The following RORA variants were observed in gnomAD, a reference collection of about 807,000 sequenced individuals.
RORA encodes nuclear receptor ROR-alpha.
Under a neutral mutation model 69.5 loss-of-function variants are expected in RORA, and 7 were observed. The ratio of observed to expected loss-of-function variants is 0.10; its 90% CI spans 0.06 to 0.19. RORA has a LOEUF of 0.19. RORA is among the 10% of genes least tolerant of loss of function. The probability of loss-of-function intolerance (pLI) is 1.00; values close to 1 mark genes in which losing one functional copy is unlikely to be tolerated. For missense variants in RORA, 457 were observed against 663.0 expected (o/e 0.69, Z 3.41); for synonymous variants, 261 against 240.8 (o/e 1.08, Z -0.78).
chr15:61,126,947 GGAGAACAAA>G (rs1256155814), intron 1 of RORA, among the ~76,000 whole-genome samples: 2 of 152,164 alleles, frequency 1.3e-5, no homozygotes, highest in Non-Finnish European at 2.9e-5. Flanking sequence ...TATTTTTGGC[GGAGAACAAA>G]TTGCCCTGGG....
At chr15:60,795,021 A>G (rs1037319170) in intron 1 of RORA, among the ~76,000 whole-genome samples, 5 of 152,138 alleles carry the variant, frequency 3.3e-5, no homozygotes, top group Non-Finnish European at 4.4e-5. Context: ...CTGCTTCTCA[A>G]TTACATAAAA....
intron 1 of RORA, among the ~76,000 whole-genome samples, chr15:60,777,685 C>G (rs1242052521): frequency 6.6e-6 from 1 of 152,158 alleles, no homozygotes; most frequent in East Asian, 1.9e-4. Flanking sequence ...GGCATTTACT[C>G]TAAGAGGTGA....
intron 1 of RORA, among the ~76,000 whole-genome samples, chr15:61,199,713 T>C (rs982876054): frequency 1.4e-4 from 22 of 152,116 alleles, no homozygotes; most frequent in African/African-American, 5.3e-4. Flanking sequence ...CCAATTACAC[T>C]GAGATGTTAT....
intron 1 of RORA, among the ~76,000 whole-genome samples, chr15:61,108,018 G>A (rs775466764): frequency 6.6e-6 from 1 of 152,140 alleles, no homozygotes. Flanking sequence ...TCTAGAGAAA[G>A]AAAATCCTGT....
intron 1 of RORA, among the ~76,000 whole-genome samples, chr15:60,899,143 A>T (rs919253062): frequency 2.6e-5 from 4 of 152,248 alleles, no homozygotes; most frequent in African/African-American, 7.2e-5. Flanking sequence ...CAGGGCAGCC[A>T]ATAGGTAATC....
chr15:60,908,939 A>C (rs543244167), intron 1 of RORA, among the ~76,000 whole-genome samples: 86 of 152,164 alleles, frequency 5.7e-4, no homozygotes, highest in African/African-American at 2.0e-3. Flanking sequence ...TGTTTGAAGA[A>C]AAGGGATATC....
chr15:60,878,380 T>G (rs1182739838), intron 1 of RORA, among the ~76,000 whole-genome samples: 3 of 147,006 alleles, frequency 2.0e-5, no homozygotes, highest in Admixed American at 1.4e-4. Context: ...AATTTTCCAG[T>G]GTTGAAGAGG....
intron 2 of RORA, among the ~76,000 whole-genome samples, chr15:60,588,099 G>A (rs142857457): frequency 4.6e-5 from 7 of 152,154 alleles, no homozygotes; most frequent in Non-Finnish European, 8.8e-5. Context: ...TTCCTCAGAG[G>A]GTCTGTATGT....
At chr15:60,541,563 C>A (rs962980784) in intron 2 of RORA, among the ~76,000 whole-genome samples, 1 of 152,102 alleles carries the variant, frequency 6.6e-6, no homozygotes, top group Non-Finnish European at 1.5e-5. Flanking sequence ...GGGGAAGTGG[C>A]AGGAGCTGGT....
In RORA at chr15:60,589,343, A is replaced by G. The variant is rs185677291; in HGVS notation, c.197-57492T>C. Among the ~76,000 whole-genome samples, 14 of 152,238 alleles carry G rather than the reference A, an allele frequency of 9.2e-5. 1 individual carries two copies. The highest frequency in any genetic ancestry group is 4.4e-5 in the Non-Finnish European group (3 of 68,046). ...ATGAATCAGGCCGGACGAAGAATCT[A>G]CGGGCCAGAAATTCCCTTTAAGCCT... On this transcript the variant is annotated intron_variant, in intron 2 of 10. Coordinates refer to ENST00000335670, the MANE Select transcript of RORA (RefSeq NM_134261.3).
intron 1 of RORA, among the ~76,000 whole-genome samples, chr15:60,948,113 C>T (rs897605453): frequency 6.6e-6 from 1 of 152,076 alleles, no homozygotes; most frequent in Non-Finnish European, 1.5e-5. Context: ...CCAGGTCATG[C>T]GAGACATGCC....
chr15:60,586,639 C>G (rs2068344744), intron 2 of RORA, among the ~76,000 whole-genome samples: 1 of 152,100 alleles, frequency 6.6e-6, no homozygotes, highest in Non-Finnish European at 1.5e-5. Context: ...TTTTCTAATT[C>G]AAGATGGAGT....
chr15:61,105,828 G>C (rs1330768643), intron 1 of RORA, among the ~76,000 whole-genome samples: 1 of 152,192 alleles, frequency 6.6e-6, no homozygotes, highest in East Asian at 1.9e-4. Context: ...GGAAGTTAAA[G>C]CACATGGTAG....
intron 1 of RORA, among the ~76,000 whole-genome samples, chr15:61,074,936 A>AATT (rs775669241): frequency 8.5e-4 from 129 of 151,822 alleles, no homozygotes; most frequent in Non-Finnish European, 1.6e-3. Flanking sequence ...AAAATACAAA[A>AATT]ATTAGCCAGG....
chr15:60,577,607 G>C (rs966607738), intron 2 of RORA, among the ~76,000 whole-genome samples: 1 of 143,162 alleles, frequency 7.0e-6, no homozygotes, highest in African/African-American at 2.6e-5. Context: ...TCGCGCCACT[G>C]TACTCCAGCC....
intron 1 of RORA, among the ~76,000 whole-genome samples, chr15:60,793,917 G>T (rs1360161892): frequency 6.6e-6 from 1 of 152,172 alleles, no homozygotes; most frequent in South Asian, 2.1e-4. Flanking sequence ...CTGTGATTCT[G>T]CCGGATTAAG....
At chr15:60,610,960 G>A (rs1350373675) in intron 2 of RORA, among the ~76,000 whole-genome samples, 1 of 152,138 alleles carries the variant, frequency 6.6e-6, no homozygotes, top group Non-Finnish European at 1.5e-5. Context: ...GTTTGTGCAA[G>A]GTAGAAAAAT....
At chr15:61,004,421 C>T (rs1894848264) in intron 1 of RORA, among the ~76,000 whole-genome samples, 1 of 150,162 alleles carries the variant, frequency 6.7e-6, no homozygotes, top group African/African-American at 2.5e-5. Context: ...CGACCTTTTG[C>T]ATTTTTCAGG....
chr15:61,013,199 A>G (rs758557467), intron 1 of RORA, among the ~76,000 whole-genome samples: 1 of 152,252 alleles, frequency 6.6e-6, no homozygotes, highest in Non-Finnish European at 1.5e-5. Flanking sequence ...TGGAAACGAT[A>G]ATATGTATTC....
Sources: allele counts gnomAD v4.1 joint callset (sites outside exome capture counted in the v4.1 genomes callset), GRCh38; gene constraint gnomAD v4.1.1; transcripts MANE v1.5; gene names NCBI Gene and HGNC (gene_info 2026-07-23, HGNC 2026-07-21).